Variants in PARP4 observed in about 807,000 individuals in gnomAD.
The protein encoded by PARP4 is poly(ADP-ribose) polymerase family member 4.
PARP4 carries 120 observed loss-of-function variants against 187.7 expected under a neutral mutation model. The ratio of observed to expected loss-of-function variants is 0.64; its 90% CI spans 0.55 to 0.74. The LOEUF is 0.74. Among genes scored for constraint, PARP4 ranks in the 30% least tolerant of loss-of-function variants. PARP4 has a pLI of 0.00. For missense variants in PARP4, 1,836 were observed against 2,070.5 expected, an observed-to-expected ratio of 0.89 and a Z score of 2.20; for synonymous variants, 654 against 740.9, an observed-to-expected ratio of 0.88 and a Z score of 1.90.
In PARP4 at chr13:24,459,328, C is replaced by T; in HGVS notation, c.2299-18G>A. On this transcript the variant is annotated intron_variant, in intron 18 of 33. Transcript: ENST00000381989. ...ACTGTATCCTGTTAAAAGAAAAATA[C>T]ATTTGTATAACTAAGCATATATTAA... is the stretch of plus-strand genomic sequence containing the variant. The T allele has an allele frequency of 6.5e-7, 1 of 1,526,830 alleles. No homozygotes were observed. Among genetic ancestry groups the T allele is most frequent in the Non-Finnish European group, 8.9e-7 (1 of 1,122,638 alleles). 94.6% of individuals were successfully genotyped at this position (1,526,830 alleles called of 1,614,324 possible).
At chr13:24,453,508 G>T in intron 23 of PARP4, 79 bp downstream of exon 23, 1 of 798,408 alleles carries the variant, frequency 1.3e-6, no homozygotes, top group Admixed American at 2.1e-5. Context: ...ATGGTGGCTT[G>T]AGTGGCCTAA....
At position 24,492,586 on chromosome 13, in the gene PARP4, C is replaced by T; in HGVS notation, c.888G>A (p.Lys296=). 1 of 1,613,572 alleles carries T rather than the reference C, an allele frequency of 6.2e-7. No homozygotes were observed. Among genetic ancestry groups the T allele is most frequent in the Non-Finnish European group, 8.5e-7 (1 of 1,179,570 alleles). The stretch of plus-strand genomic sequence containing the variant: ...TTACTAGAAGGAGAATCCCCTCTGC[C>T]TTGCTCACCTTTCAACAGATCATAT... The part of the protein sequence containing the change: ...VNRISLNDVS[K]AEGILLLVKA... The change falls in exon 9 of 34, where the codon AAG becomes AAA. Residue 296 remains lysine, a synonymous_variant. Transcript: ENST00000381989.
chr13:24,461,960 G>A (rs1872235032), intron 17 of PARP4, among the ~76,000 whole-genome samples: 1 of 152,118 alleles, frequency 6.6e-6, no homozygotes. Context: ...TACAAAGCAG[G>A]GGTTGCTACA....
intron 21 of PARP4, 119 bp from the exon 22 acceptor site, chr13:24,455,331 A>C (rs1871766752): frequency 3.5e-6 from 2 of 579,438 alleles, no homozygotes; most frequent in Admixed American, 3.6e-5. Flanking sequence ...AACAGAAAGA[A>C]TAAGATGTAA....
chr13:24,435,916 C>CAAAA (rs56254149), intron 30 of PARP4, among the ~76,000 whole-genome samples: 7 of 87,860 alleles, frequency 8.0e-5, no homozygotes, highest in African/African-American at 1.4e-4. Context: ...TATTCTGTCT[C>CAAAA]AAAAAAAAAA....
intron 32 of PARP4, among the ~76,000 whole-genome samples, chr13:24,427,900 A>C (rs1870137439): frequency 6.6e-6 from 1 of 152,288 alleles, no homozygotes; most frequent in South Asian, 2.1e-4. Flanking sequence ...TTTTTAAGCA[A>C]TATTAATAAT....
intron 15 of PARP4, among the ~76,000 whole-genome samples, chr13:24,470,985 G>A (rs34978864): frequency 3.3e-4 from 51 of 152,246 alleles, no homozygotes; most frequent in African/African-American, 1.1e-3. Flanking sequence ...CTGGAATCCC[G>A]GTCTGGCCAG....
chr13:24,480,463 C>T (rs1161498285), intron 12 of PARP4, among the ~76,000 whole-genome samples: 2 of 152,178 alleles, frequency 1.3e-5, no homozygotes, highest in Admixed American at 6.5e-5. Context: ...GTGAGGAAGG[C>T]ATGTTGAAAA....
chr13:24,506,031 A>C (rs986522321), intron 1 of PARP4, among the ~76,000 whole-genome samples: 4 of 151,942 alleles, frequency 2.6e-5, no homozygotes, highest in Non-Finnish European at 4.4e-5. Context: ...GCCCCACCCT[A>C]CCTAGTGCTG....
intron 30 of PARP4, among the ~76,000 whole-genome samples, chr13:24,438,300 G>C (rs1428078893): frequency 6.6e-6 from 1 of 152,112 alleles, no homozygotes. Context: ...CAACAGGTTC[G>C]GGGCTCCCAT....
chr13:24,460,206 T>C (rs1021232326), intron 17 of PARP4, 70 bp from the exon 18 acceptor site: 42 of 1,321,630 alleles, frequency 3.2e-5, no homozygotes, highest in Non-Finnish European at 4.2e-5. Context: ...TAACTCCACG[T>C]ACTTCTTAAG....
At chr13:24,423,280 T>A (rs535926872) in intron 33 of PARP4, among the ~76,000 whole-genome samples, 1 of 152,232 alleles carries the variant, frequency 6.6e-6, no homozygotes, top group East Asian at 1.9e-4. Flanking sequence ...AGTGGCTCAC[T>A]CCTGTAATCC....
In PARP4 at chr13:24,443,866, G is replaced by C. The variant is rs912245463; in HGVS notation, c.3367-136C>G. ...TCCTCTTAAATACACAGTTTGATGAGTCTTAAGGGATGTATACAGTTGTGT... is the reference window on the plus strand; with the variant it reads ...TCCTCTTAAATACACAGTTTGATGACTCTTAAGGGATGTATACAGTTGTGT... On this transcript the variant is annotated intron_variant, in intron 27 of 33. Transcript: ENST00000381989. 6 of 644,162 alleles carry C rather than the reference G, an allele frequency of 9.3e-6. No individual in the cohort carries two copies. The African/African-American group carries it at 1.1e-4, about 12-fold the overall frequency. 39.9% of individuals were successfully genotyped at this position (644,162 alleles called of 1,614,324 possible).
At chr13:24,456,555 G>GTA in intron 20 of PARP4, 77 bp from the exon 21 acceptor site, 2 of 1,350,874 alleles carry the variant, frequency 1.5e-6, no homozygotes, top group Non-Finnish European at 2.0e-6. Flanking sequence ...ACCTGTCATG[G>GTA]AGCAAACCCT....
chr13:24,449,214 C>A (rs1487192058), intron 25 of PARP4, among the ~76,000 whole-genome samples: 2 of 151,888 alleles, frequency 1.3e-5, no homozygotes, highest in Non-Finnish European at 2.9e-5. Context: ...CAGTGAAACC[C>A]CATCTCTACT....
In PARP4 at chr13:24,459,327, A is replaced by T; in HGVS notation, c.2299-17T>A. The T allele has an allele frequency of 6.5e-7, 1 of 1,528,126 alleles. No homozygotes were observed. The highest frequency in any genetic ancestry group is 8.9e-7 in the Non-Finnish European group (1 of 1,123,590). 94.7% of individuals were successfully genotyped at this position (1,528,126 alleles called of 1,614,324 possible). ...TACTGTATCCTGTTAAAAGAAAAAT[A>T]CATTTGTATAACTAAGCATATATTA... On this transcript the variant is annotated splice_polypyrimidine_tract_variant and intron_variant, in intron 18 of 33. Transcript: ENST00000381989.
chr13:24,481,862 A>G (rs960256208), intron 12 of PARP4, among the ~76,000 whole-genome samples: 4 of 152,134 alleles, frequency 2.6e-5, no homozygotes, highest in Non-Finnish European at 5.9e-5. Context: ...TCAAGACCCC[A>G]ACTCTAAAAA....
chr13:24,500,420 CAA>C, intron 3 of PARP4, 38 bp from the exon 4 acceptor site: 1 of 1,279,532 alleles, frequency 7.8e-7, no homozygotes. Flanking sequence ...GTTTACTGCC[CAA>C]AGACTTACTA....
chr13:24,491,009 A>G (rs1401747030), intron 9 of PARP4, among the ~76,000 whole-genome samples, 181 bp from the exon 10 acceptor site: 1 of 152,026 alleles, frequency 6.6e-6, no homozygotes, highest in African/African-American at 2.4e-5. Flanking sequence ...TGGCATGACC[A>G]TAGCTCATTG....
Sources: allele counts gnomAD v4.1 joint callset (sites outside exome capture counted in the v4.1 genomes callset), GRCh38; gene constraint gnomAD v4.1.1; transcripts MANE v1.5; gene names NCBI Gene and HGNC (gene_info 2026-07-23, HGNC 2026-07-21).